TNPO1: variants seen among roughly 807,000 people sequenced by gnomAD.
TNPO1 encodes the protein transportin-1.
A neutral mutation model predicts 119.5 loss-of-function variants in TNPO1; 8 were observed. That is an observed-to-expected ratio of 0.07 (90% CI 0.04 to 0.12). The LOEUF (loss-of-function observed/expected upper bound fraction) is 0.12. Among genes scored for constraint, TNPO1 ranks in the 10% least tolerant of loss-of-function variants. The pLI is 1.00. For synonymous variants in TNPO1, 362 were observed against 363.0 expected, an observed-to-expected ratio of 1.00 and a Z score of 0.03; for missense variants, 576 against 1,089.8, an observed-to-expected ratio of 0.53 and a Z score of 6.64.
In TNPO1 at chr5:72,877,358, CT is replaced by C. The variant is rs550756494; in HGVS notation, c.920+13del. 4.2e-4 allele frequency: 571 copies of C among 1,364,566 alleles called. 1 individual carries two copies. In the African/African-American group the frequency reaches 7.3e-3, roughly 17 times the overall value. 84.5% of individuals were successfully genotyped at this position (1,364,566 alleles called of 1,614,324 possible). A position where few individuals can be genotyped will look rare whatever the true frequency, so the allele number is the denominator to read the frequency against. ...AGGCATCTTCCTAAGTAAGTGTTCC[CT>C]CTTATAAATGCTGCCTTGTTCTTTA... is the stretch of plus-strand genomic sequence containing the variant. On this transcript the variant is annotated intron_variant, in intron 9 of 24. Transcript: ENST00000337273.
At chr5:72,885,743 GTT>G (rs34593186) in intron 11 of TNPO1, among the ~76,000 whole-genome samples, 84,543 of 135,978 alleles carry the variant, frequency 0.62, 26,562 homozygotes, top group East Asian at 0.74. Context: ...GTTTGGTTTG[GTT>G]TTTTTTTTTT....
chr5:72,840,377 A>G (rs142851608), intron 1 of TNPO1, among the ~76,000 whole-genome samples: 10 of 152,294 alleles, frequency 6.6e-5, no homozygotes, highest in African/African-American at 2.4e-4. Context: ...AAATGAGATC[A>G]TGTATTTAAA....
At chr5:72,839,422 C>A (rs1047460292) in intron 1 of TNPO1, among the ~76,000 whole-genome samples, 1 of 152,082 alleles carries the variant, frequency 6.6e-6, no homozygotes, top group African/African-American at 2.4e-5. Context: ...AGATAAACTT[C>A]CCCCAAAACT....
In TNPO1 at chr5:72,889,779, T is replaced by TA. The variant is rs775158870; in HGVS notation, c.1530-4dup. ...AATAAGTATTCTTTTTTTTTTTTTT[T>TA]AAACAGTGCCTTTGCTACCCTAGAA... On this transcript the variant is annotated splice_polypyrimidine_tract_variant and splice_region_variant and intron_variant, in intron 13 of 24. Transcript: ENST00000337273. The TA allele has an allele frequency of 5.1e-6, 8 of 1,554,256 alleles. No individual in the cohort carries two copies. Among genetic ancestry groups the TA allele is most frequent in the East Asian group, 4.5e-5 (2 of 44,038 alleles).
At chr5:72,871,349 G>A (rs758671492) in intron 6 of TNPO1, among the ~76,000 whole-genome samples, 1 of 152,130 alleles carries the variant, frequency 6.6e-6, no homozygotes, top group Non-Finnish European at 1.5e-5. Flanking sequence ...AACATTTAAG[G>A]GGTTGAGCTC....
intron 1 of TNPO1, among the ~76,000 whole-genome samples, chr5:72,831,132 A>G (rs1375917631): frequency 6.6e-6 from 1 of 152,098 alleles, no homozygotes; most frequent in Non-Finnish European, 1.5e-5. Flanking sequence ...AGATTTTATT[A>G]TGAATTAGTT....
At chr5:72,884,768 A>G (rs964355031) in intron 11 of TNPO1, among the ~76,000 whole-genome samples, 3 of 151,078 alleles carry the variant, frequency 2.0e-5, no homozygotes, top group Non-Finnish European at 2.9e-5. Flanking sequence ...TTTTTTCTAC[A>G]TGTGAATGCC....
intron 3 of TNPO1, among the ~76,000 whole-genome samples, chr5:72,854,295 T>C (rs1745814212): frequency 1.3e-5 from 2 of 152,224 alleles, no homozygotes; most frequent in Non-Finnish European, 2.9e-5. Flanking sequence ...TTTTAAATGA[T>C]GACATACAAG....
rs1750642108 is a variant in TNPO1, at chr5:72,912,649, A to G, written c.*3976A>G. ...CTTTTGCCTACAGGTTTACCTGAAA[A>G]TGAGCTACATATGGTCGTCATTTTC... On this transcript the variant is annotated 3_prime_UTR_variant, in exon 25 of 25. Coordinates refer to ENST00000337273, the MANE Select transcript of TNPO1 (RefSeq NM_002270.4). 6.6e-6 allele frequency: 1 copy of G among 152,444 alleles called. No homozygotes were observed. Among genetic ancestry groups the G allele is most frequent in the East Asian group, 1.9e-4 (1 of 5,196 alleles). The allele number at this position is 152,444 out of a possible 1,614,324, so 9.4% of individuals were successfully genotyped here.
intron 6 of TNPO1, among the ~76,000 whole-genome samples, chr5:72,866,924 C>G (rs1210524578): frequency 2.6e-5 from 4 of 151,992 alleles, no homozygotes; most frequent in Non-Finnish European, 5.9e-5. Flanking sequence ...CCTAAAATCA[C>G]AGCGCTTTGG....
At chr5:72,854,727 C>G (rs533652368) in intron 3 of TNPO1, among the ~76,000 whole-genome samples, 2 of 152,280 alleles carry the variant, frequency 1.3e-5, no homozygotes, top group East Asian at 3.9e-4. Context: ...TTGATGCCAA[C>G]TGGTAAAGCC....
chr5:72,899,364 A>G (rs1704166589), intron 20 of TNPO1, among the ~76,000 whole-genome samples: 1 of 152,188 alleles, frequency 6.6e-6, no homozygotes, highest in Non-Finnish European at 1.5e-5. Flanking sequence ...TAATCCATTC[A>G]TTCAGTGAGT....
rs946175950 is a variant in TNPO1 at position 72,910,544 on chromosome 5, T to G, written c.*1871T>G. 3.3e-5 allele frequency: 5 copies of G among 152,624 alleles called. No individual in the cohort carries two copies. The highest frequency in any genetic ancestry group is 7.4e-5 in the Non-Finnish European group (5 of 68,012). The allele number at this position is 152,624 out of a possible 1,614,324, so 9.5% of individuals were successfully genotyped here. On this transcript the variant is annotated 3_prime_UTR_variant, in exon 25 of 25. Coordinates refer to ENST00000337273, the MANE Select transcript of TNPO1 (RefSeq NM_002270.4). ...CCTTTCCATTTTTCAATGCTGCATA[T>G]TTAATCTGCAACAAAAATGTTAAGC... is the stretch of plus-strand genomic sequence containing the variant.
At chr5:72,833,670 C>G (rs1744571937) in intron 1 of TNPO1, among the ~76,000 whole-genome samples, 1 of 152,184 alleles carries the variant, frequency 6.6e-6, no homozygotes, top group South Asian at 2.1e-4. Flanking sequence ...AAACTGAACA[C>G]TTTCTTAATG....
At chr5:72,881,171 C>T (rs536295485) in intron 9 of TNPO1, among the ~76,000 whole-genome samples, 41 of 152,056 alleles carry the variant, frequency 2.7e-4, no homozygotes, top group South Asian at 1.0e-3. Context: ...AGTGCAGTGG[C>T]GCGATCTCAG....
At chr5:72,834,772 G>A (rs368716655) in intron 1 of TNPO1, among the ~76,000 whole-genome samples, 3 of 152,140 alleles carry the variant, frequency 2.0e-5, no homozygotes, top group African/African-American at 4.8e-5. Context: ...TTCACTCACC[G>A]CTTACTCTCT....
intron 6 of TNPO1, among the ~76,000 whole-genome samples, chr5:72,866,117 T>C (rs190631441): frequency 6.6e-6 from 1 of 152,342 alleles, no homozygotes; most frequent in East Asian, 1.9e-4. Context: ...GCGTATTGCG[T>C]GGATGCTGGG....
chr5:72,838,784 A>G (rs768513268), intron 1 of TNPO1, among the ~76,000 whole-genome samples: 32 of 152,208 alleles, frequency 2.1e-4, no homozygotes, highest in Admixed American at 6.5e-4. Context: ...AGTTTGGAGT[A>G]GTAGAAACAT....
intron 9 of TNPO1, among the ~76,000 whole-genome samples, chr5:72,877,825 A>G (rs184450776): frequency 6.8e-4 from 104 of 152,214 alleles, no homozygotes; most frequent in African/African-American, 2.5e-3. Flanking sequence ...CATTTTCACC[A>G]CCCTGAGTAA....
Sources: gnomAD v4.1 joint callset for allele counts (sites outside exome capture counted in the v4.1 genomes callset) on GRCh38, gnomAD v4.1.1 for gene constraint, MANE v1.5 for transcripts, NCBI Gene and HGNC (gene_info 2026-07-23, HGNC 2026-07-21) for gene names.